DCHS2: variants seen among roughly 807,000 people sequenced by gnomAD.
The protein encoded by DCHS2 is protocadherin-23.
Under a neutral mutation model 182.4 loss-of-function variants are expected in DCHS2, and 142 were observed. The ratio of observed to expected loss-of-function variants is 0.78; its 90% CI spans 0.68 to 0.89. The LOEUF (loss-of-function observed/expected upper bound fraction) is 0.89, where lower values mean the gene tolerates loss of function less well. Ranked by LOEUF, DCHS2 falls within the 40% of genes least tolerant of loss-of-function variation. The pLI is 0.00. For missense variants in DCHS2, 4,319 were observed against 4,198.6 expected (o/e 1.03, Z -0.79); for synonymous variants, 1,740 against 1,663.3 (o/e 1.05, Z -1.12).
chr4:154,361,500 G>A (rs1481410698), intron 3 of DCHS2, among the ~76,000 whole-genome samples: 1 of 152,110 alleles, frequency 6.6e-6, no homozygotes, highest in Non-Finnish European at 1.5e-5. Flanking sequence ...TGAAAAAAGA[G>A]CTATTAATAA....
chr4:154,484,273 C>G (rs1388080), intron 1 of DCHS2, among the ~76,000 whole-genome samples: 112,922 of 152,144 alleles, frequency 0.74, 42,462 homozygotes, highest in East Asian at 0.85. Context: ...TTACAAGAGA[C>G]TCAGAACTCT....
chr4:154,402,877 T>C (rs1732247728), intron 1 of DCHS2, among the ~76,000 whole-genome samples: 1 of 152,216 alleles, frequency 6.6e-6, no homozygotes, highest in African/African-American at 2.4e-5. Flanking sequence ...TTTTGTAGTT[T>C]CCAGTGTACA....
At chr4:154,380,802 A>G (rs967765713) in intron 1 of DCHS2, among the ~76,000 whole-genome samples, 1 of 152,178 alleles carries the variant, frequency 6.6e-6, no homozygotes, top group Admixed American at 6.6e-5. Context: ...TCTCAACAAC[A>G]TATCCCACCT....
At chr4:154,403,526 A>G (rs1474950085) in intron 1 of DCHS2, among the ~76,000 whole-genome samples, 1 of 152,066 alleles carries the variant, frequency 6.6e-6, no homozygotes, top group Non-Finnish European at 1.5e-5. Flanking sequence ...CTTTTCATAC[A>G]TGATTGGATT....
chr4:154,491,069 T>G lies in DCHS2; in HGVS notation c.287A>C (p.Gln96Pro). The change falls in exon 1 of 20, where the codon CAG becomes CCG. Residue 96 changes from glutamine (Q) to proline (P), a missense_variant. Physicochemically the swap from Gln to Pro is moderately conservative, Grantham distance 76 (BLOSUM62 -1). Coordinates refer to ENST00000357232, the MANE Select transcript of DCHS2 (RefSeq NM_001358235.2). ...IRAGLPAAQQ[Q>P]EGSGFFLSED... ...CGACAGAAAGAAGCCGCTCCCCTCC[T>G]GCTGCTGCGCGGCCGGCAGCCCGGC... The G allele has an allele frequency of 6.4e-7, 1 of 1,551,246 alleles. No homozygotes were observed. Among genetic ancestry groups the G allele is most frequent in the Non-Finnish European group, 8.7e-7 (1 of 1,146,920 alleles).
intron 14 of DCHS2, among the ~76,000 whole-genome samples, chr4:154,269,648 G>A (rs1381989623): frequency 2.0e-5 from 3 of 152,084 alleles, no homozygotes; most frequent in African/African-American, 7.2e-5. Flanking sequence ...GTAAGTGGAA[G>A]CTAATTTATC....
intron 3 of DCHS2, among the ~76,000 whole-genome samples, chr4:154,341,923 T>G (rs1729129939): frequency 6.6e-6 from 1 of 151,830 alleles, no homozygotes; most frequent in Non-Finnish European, 1.5e-5. Context: ...ATTTTATTTT[T>G]TTAATTAAAT....
At chr4:154,370,743 G>T (rs1259676700) in intron 2 of DCHS2, among the ~76,000 whole-genome samples, 1 of 152,146 alleles carries the variant, frequency 6.6e-6, no homozygotes, top group Non-Finnish European at 1.5e-5. Flanking sequence ...TCTCTCTCAA[G>T]CAGACCTGTT....
At chr4:154,376,677 C>A (rs1730915614) in intron 2 of DCHS2, among the ~76,000 whole-genome samples, 1 of 152,176 alleles carries the variant, frequency 6.6e-6, no homozygotes, top group African/African-American at 2.4e-5. Context: ...AAGCAAATGG[C>A]ATCACCTAAA....
intron 5 of DCHS2, among the ~76,000 whole-genome samples, chr4:154,330,077 T>G (rs1736459670): frequency 6.6e-6 from 1 of 152,206 alleles, no homozygotes; most frequent in Admixed American, 6.5e-5. Flanking sequence ...GCATGTGAGC[T>G]CTGACACAGG....
rs181155418 is a variant in DCHS2 at position 154,385,169 on chromosome 4, C to T, written c.2053-7725G>A. 7.6e-3 allele frequency among the ~76,000 whole-genome samples: 1,116 copies of T among 147,510 alleles called. 13 individuals are homozygous for T. The highest frequency in any genetic ancestry group is 0.025 in the African/African-American group (981 of 39,986). ...ATTCCCACCTATGAGTGAGAACATG[C>T]GGCGTTTGGTTTTTTGTCCTTGCAA... On this transcript the variant is annotated intron_variant, in intron 1 of 19. Coordinates refer to ENST00000357232, the MANE Select transcript of DCHS2 (RefSeq NM_001358235.2).
At chr4:154,489,168 A>G in intron 1 of DCHS2, 136 bp downstream of exon 1, 1 of 741,576 alleles carries the variant, frequency 1.3e-6, no homozygotes, top group Non-Finnish European at 2.1e-6. Flanking sequence ...ATCTCACTGT[A>G]GAGGGGGCAC....
intron 3 of DCHS2, among the ~76,000 whole-genome samples, chr4:154,350,420 T>G (rs1366610941): frequency 1.3e-5 from 2 of 152,066 alleles, no homozygotes; most frequent in Non-Finnish European, 2.9e-5. Context: ...TTTAAATTTT[T>G]TTTCAACTTG....
intron 1 of DCHS2, among the ~76,000 whole-genome samples, chr4:154,466,651 C>A (rs4696211): frequency 6.6e-6 from 1 of 152,258 alleles, no homozygotes; most frequent in South Asian, 2.1e-4. Flanking sequence ...TGCATTTCAT[C>A]TTAGGTAGAT....
At chr4:154,374,913 T>C (rs1368423331) in intron 2 of DCHS2, among the ~76,000 whole-genome samples, 1 of 152,180 alleles carries the variant, frequency 6.6e-6, no homozygotes, top group Non-Finnish European at 1.5e-5. Context: ...TAGGCCACCT[T>C]TTCTGTAAAC....
intron 3 of DCHS2, among the ~76,000 whole-genome samples, chr4:154,345,982 A>T (rs1049603483): frequency 6.6e-6 from 1 of 152,186 alleles, no homozygotes; most frequent in Non-Finnish European, 1.5e-5. Flanking sequence ...CAGTGTCTGG[A>T]CAGGGCTCCC....
At chr4:154,425,454 T>C (rs1448513553) in intron 1 of DCHS2, among the ~76,000 whole-genome samples, 1 of 152,200 alleles carries the variant, frequency 6.6e-6, no homozygotes, top group Non-Finnish European at 1.5e-5. Context: ...GAAAAACATC[T>C]AGAAAAAGTA....
chr4:154,376,986 T>C (rs1038722779), intron 2 of DCHS2, among the ~76,000 whole-genome samples: 1 of 152,184 alleles, frequency 6.6e-6, no homozygotes, highest in African/African-American at 2.4e-5. Context: ...AAATTTAACA[T>C]AGAAAGGATA....
At chr4:154,476,002 T>C (rs1735665524) in intron 1 of DCHS2, among the ~76,000 whole-genome samples, 1 of 152,144 alleles carries the variant, frequency 6.6e-6, no homozygotes, top group Admixed American at 6.5e-5. Flanking sequence ...CTTAAAAGGA[T>C]TGGGAAAGTG....
Sources: allele counts gnomAD v4.1 joint callset (sites outside exome capture counted in the v4.1 genomes callset), GRCh38; gene constraint gnomAD v4.1.1; transcripts MANE v1.5; gene names NCBI Gene and HGNC (gene_info 2026-07-23, HGNC 2026-07-21).